Variants in IQSEC1 observed in about 807,000 individuals in gnomAD.
The protein encoded by IQSEC1 is IQ motif and Sec7 domain ArfGEF 1.
A neutral mutation model predicts 91.0 loss-of-function variants in IQSEC1; 31 were observed. That is an observed-to-expected ratio of 0.34 (90% confidence interval 0.26 to 0.46). The LOEUF (loss-of-function observed/expected upper bound fraction) is 0.46, where lower values mean the gene tolerates loss of function less well. Ranked by LOEUF, IQSEC1 falls within the 20% of genes least tolerant of loss-of-function variation. The pLI, the probability that IQSEC1 is intolerant of heterozygous loss-of-function variation, is 1.00. For synonymous variants in IQSEC1, 699 were observed against 662.6 expected, an observed-to-expected ratio of 1.05 and a Z score of -0.84; for missense variants, 1,388 against 1,575.6, an observed-to-expected ratio of 0.88 and a Z score of 2.02.
intron 1 of IQSEC1, among the ~76,000 whole-genome samples, chr3:13,278,466 G>A (rs578135050): frequency 6.6e-6 from 1 of 152,298 alleles, no homozygotes; most frequent in Non-Finnish European, 1.5e-5. Flanking sequence ...GGAGTCACTG[G>A]GATCCTGGGA....
chr3:13,139,757 C>A (rs1028331411), intron 2 of IQSEC1, among the ~76,000 whole-genome samples: 6 of 152,160 alleles, frequency 3.9e-5, no homozygotes, highest in Non-Finnish European at 8.8e-5. Flanking sequence ...AGAGTGGAAA[C>A]AAGGGTGTCT....
At chr3:13,158,335 G>C in intron 2 of IQSEC1, among the ~76,000 whole-genome samples, 1 of 152,340 alleles carries the variant, frequency 6.6e-6, no homozygotes, top group East Asian at 1.9e-4. Flanking sequence ...ACGTTCAGCA[G>C]TTTTCATACC....
intron 1 of IQSEC1, among the ~76,000 whole-genome samples, chr3:13,192,609 G>A (rs1694056140): frequency 6.6e-6 from 1 of 152,202 alleles, no homozygotes; most frequent in South Asian, 2.1e-4. Context: ...GAGAGGCCAG[G>A]TGAGTATTCT....
chr3:13,203,186 CA>C (rs1694276916), intron 1 of IQSEC1, among the ~76,000 whole-genome samples: 1 of 152,002 alleles, frequency 6.6e-6, no homozygotes, highest in African/African-American at 2.4e-5. Flanking sequence ...CACACACACA[CA>C]CACACACTCT....
At chr3:12,911,607 C>T in intron 10 of IQSEC1, 22 bp downstream of exon 10, 2 of 1,559,842 alleles carry the variant, frequency 1.3e-6, no homozygotes, top group Non-Finnish European at 1.8e-6. Context: ...CTCTTCCAGG[C>T]AGGCCCTGGG....
Position 12,899,282 on chromosome 3 carries a change from C to A in IQSEC1, c.*1701G>T. Reference sequence around the variant, plus strand: ...TCCGGCCACGGCTCACCACGCTGTCCACTGGGAACGCGGCCCCGCGGCCCG... The same window carrying A: ...TCCGGCCACGGCTCACCACGCTGTCAACTGGGAACGCGGCCCCGCGGCCCG... On this transcript the variant is annotated 3_prime_UTR_variant, in exon 14 of 14. Transcript: ENST00000613206. 1.6e-6 allele frequency: 2 copies of A among 1,261,580 alleles called. No individual in the cohort carries two copies. The highest frequency in any genetic ancestry group is 2.2e-6 in the Non-Finnish European group (2 of 890,708). The allele number at this position is 1,261,580 out of a possible 1,614,324, so 78.1% of individuals were successfully genotyped here.
intron 2 of IQSEC1, among the ~76,000 whole-genome samples, chr3:13,131,239 T>C (rs1706611296): frequency 1.3e-5 from 2 of 152,210 alleles, no homozygotes; most frequent in Non-Finnish European, 1.5e-5. Context: ...CCTAGTAACA[T>C]TCTAAATATT....
intron 1 of IQSEC1, among the ~76,000 whole-genome samples, chr3:13,199,031 A>G (rs953210385): frequency 6.6e-6 from 1 of 151,738 alleles, no homozygotes; most frequent in Non-Finnish European, 1.5e-5. Context: ...CATAATGAAA[A>G]CCCATGCACA....
Position 12,979,862 on chromosome 3 carries a change from C to T in IQSEC1, c.24-37997G>A, listed in dbSNP as rs2125581927. Among the ~76,000 whole-genome samples the T allele has an allele frequency of 6.6e-6, 1 of 152,232 alleles. No homozygotes were observed. Among genetic ancestry groups the T allele is most frequent in the East Asian group, 1.9e-4 (1 of 5,172 alleles). ...GCCTGGATCTCATACTTCCTGAAAC[C>T]CTGCTTGGTGGGTAACAAGGATCTA... On this transcript the variant is annotated intron_variant, in intron 1 of 13. Transcript: ENST00000613206. This position sits in a 1 kb window ranked among gnomAD's most constrained non-coding sequence, Gnocchi z 4.3.
rs141580759 is a variant in IQSEC1 at position 12,948,732 on chromosome 3, C to T, written c.24-6867G>A. Among the ~76,000 whole-genome samples the T allele has an allele frequency of 2.4e-3, 358 of 152,222 alleles. 2 individuals are homozygous for T. The highest frequency in any genetic ancestry group is 3.4e-3 in the Middle Eastern group (1 of 294). On this transcript the variant is annotated intron_variant, in intron 1 of 13. Transcript: ENST00000613206. ...TCGACAACGACAATGGTAGTAACAG[C>T]GAATGTCTATATGGCTAGTGATGTT...
At chr3:13,124,270 A>G (rs1045816829) in intron 2 of IQSEC1, among the ~76,000 whole-genome samples, 1 of 151,900 alleles carries the variant, frequency 6.6e-6, no homozygotes, top group Non-Finnish European at 1.5e-5. Flanking sequence ...GGCTGGGGGG[A>G]CCCAGCTTCC....
Position 12,992,097 on chromosome 3 carries a change from G to A in IQSEC1, c.24-50232C>T, listed in dbSNP as rs181745889. Among the ~76,000 whole-genome samples the A allele has an allele frequency of 2.3e-3, 353 of 152,214 alleles. 2 individuals carry two copies. Among genetic ancestry groups the A allele is most frequent in the African/African-American group, 8.0e-3 (334 of 41,532 alleles). On this transcript the variant is annotated intron_variant, in intron 1 of 13. Coordinates refer to ENST00000613206, the MANE Select transcript of IQSEC1 (RefSeq NM_001134382.3). This position sits in a 1 kb window ranked among gnomAD's most constrained non-coding sequence, Gnocchi z 4.1. ...CCTCTGAGGGGACACCGAGTCCTCC[G>A]AGCATTCCCCAGGAAGCAGCCCTCT...
At chr3:13,127,614 T>C (rs1576262527) in intron 2 of IQSEC1, among the ~76,000 whole-genome samples, 1 of 152,182 alleles carries the variant, frequency 6.6e-6, no homozygotes, top group East Asian at 1.9e-4. Context: ...TCTAGGTCGT[T>C]TGCCTTTCTG....
Position 12,909,077 on chromosome 3 carries a change from G to C in IQSEC1, c.2578+196C>G, listed in dbSNP as rs1216117325. On this transcript the variant is annotated intron_variant, in intron 11 of 13. Transcript: ENST00000613206. This position sits in a 1 kb window ranked among gnomAD's most constrained non-coding sequence, Gnocchi z 4.9. ...ATACAACAGGCAACAGGTAGGGCGG[G>C]TCCTGGATTGGACTCCCTCTGTGCC... Among the ~76,000 whole-genome samples the C allele has an allele frequency of 6.6e-6, 1 of 152,230 alleles. No individual in the cohort carries two copies. The highest frequency in any genetic ancestry group is 1.5e-5 in the Non-Finnish European group (1 of 68,048).
intron 3 of IQSEC1, among the ~76,000 whole-genome samples, chr3:12,927,979 T>C (rs1320699702): frequency 6.6e-6 from 1 of 151,460 alleles, no homozygotes; most frequent in Admixed American, 6.6e-5. Flanking sequence ...CAGCAGGCCA[T>C]GGAGAGGGGT....
chr3:13,028,948 G>A (rs1047722667), intron 1 of IQSEC1, among the ~76,000 whole-genome samples: 2 of 152,196 alleles, frequency 1.3e-5, no homozygotes, highest in South Asian at 2.1e-4. Flanking sequence ...CTCACAAGCC[G>A]TTCCTCACAC....
chr3:13,098,817 G>C (rs1286629594), intron 2 of IQSEC1, among the ~76,000 whole-genome samples: 2 of 152,186 alleles, frequency 1.3e-5, no homozygotes, highest in South Asian at 2.1e-4. Context: ...GGAAATGACT[G>C]CTACTGGGTA....
At chr3:13,053,171 G>C in intron 1 of IQSEC1, 1 of 745,350 alleles carries the variant, frequency 1.3e-6, no homozygotes, top group Non-Finnish European at 2.5e-6. Context: ...GAAAGGAAGA[G>C]AGGGGACTGG....
At chr3:13,099,363 A>T (rs796911970) in intron 2 of IQSEC1, among the ~76,000 whole-genome samples, 111 of 152,338 alleles carry the variant, frequency 7.3e-4, no homozygotes, top group African/African-American at 2.5e-3. Context: ...AATTTGACAA[A>T]TTTAAATCAG....
Sources: allele counts gnomAD v4.1 joint callset (sites outside exome capture counted in the v4.1 genomes callset), GRCh38; gene constraint gnomAD v4.1.1; non-coding constraint Gnocchi (gnomAD v3.1); transcripts MANE v1.5; gene names NCBI Gene and HGNC (gene_info 2026-07-23, HGNC 2026-07-21).